NSMCE2: variants seen among roughly 807,000 people sequenced by gnomAD.
The protein encoded by NSMCE2 is NSE2 SUMO ligase component of SMC5/6 complex.
Under a neutral mutation model 23.8 loss-of-function variants are expected in NSMCE2, and 24 were observed. That is an observed-to-expected ratio of 1.01 (90% CI 0.73 to 1.42). NSMCE2 has a LOEUF of 1.42. Ranked by LOEUF, NSMCE2 falls within the 40% of genes most tolerant of loss-of-function variation. The probability of loss-of-function intolerance (pLI) is 0.00; values close to 1 mark genes in which losing one functional copy is unlikely to be tolerated. For missense variants in NSMCE2, 284 were observed against 296.5 expected, an observed-to-expected ratio of 0.96 and a Z score of 0.31; for synonymous variants, 92 against 94.1, an observed-to-expected ratio of 0.98 and a Z score of 0.13.
intron 3 of NSMCE2, among the ~76,000 whole-genome samples, 163 bp from the exon 4 acceptor site, chr8:125,151,008 A>AT (rs946928497): frequency 2.6e-5 from 4 of 151,466 alleles, no homozygotes; most frequent in Middle Eastern, 3.4e-3. Flanking sequence ...GGTTTTTTTT[A>AT]TTTTTTTTAT....
chr8:125,257,789 C>G (rs138545127), intron 5 of NSMCE2, among the ~76,000 whole-genome samples: 2,729 of 152,214 alleles, frequency 0.018, 82 homozygotes, highest in African/African-American at 0.061. Flanking sequence ...CCTCTTCGGC[C>G]TCCCAAAGTC....
At chr8:125,324,558 A>T (rs1829577123) in intron 5 of NSMCE2, among the ~76,000 whole-genome samples, 1 of 136,250 alleles carries the variant, frequency 7.3e-6, no homozygotes, top group African/African-American at 2.8e-5. Context: ...ATGTGATTCC[A>T]TTTTGATAAA....
intron 1 of NSMCE2, among the ~76,000 whole-genome samples, chr8:125,093,194 C>T (rs969811762): frequency 6.6e-6 from 1 of 152,146 alleles, no homozygotes; most frequent in African/African-American, 2.4e-5. Flanking sequence ...GCTGTGTCCT[C>T]ACATGGTGGA....
rs7016773 is a variant in NSMCE2, at chr8:125,335,828, G to A, written c.419-21391G>A. Among the ~76,000 whole-genome samples, 1,316 of 152,310 alleles carry A rather than the reference G, an allele frequency of 8.6e-3. 14 individuals are homozygous for A. Among genetic ancestry groups the A allele is most frequent in the African/African-American group, 0.03 (1,244 of 41,572 alleles). On this transcript the variant is annotated intron_variant, in intron 5 of 7. Coordinates refer to ENST00000287437, the MANE Select transcript of NSMCE2 (RefSeq NM_173685.4). Reference sequence around the variant, plus strand: ...TTAGGGTGTTTAAGAACTAGGCATTGCTCAACCAAAGGGGAAAGTTCAAAG... The same window carrying A: ...TTAGGGTGTTTAAGAACTAGGCATTACTCAACCAAAGGGGAAAGTTCAAAG...
At position 125,283,954 on chromosome 8, in the gene NSMCE2, C is replaced by A. The variant is rs544783571; in HGVS notation, c.419-73265C>A. On this transcript the variant is annotated intron_variant, in intron 5 of 7. Coordinates refer to ENST00000287437, the MANE Select transcript of NSMCE2 (RefSeq NM_173685.4). ...AGATCACAAGGTCAGGAGATGGAGA[C>A]CATCCTGGCTAACATGGTGAAACCC... 2.6e-5 allele frequency among the ~76,000 whole-genome samples: 4 copies of A among 152,188 alleles called. No homozygotes were observed. The East Asian group carries it at 7.7e-4, about 29-fold the overall frequency.
chr8:125,167,990 T>C (rs1821982122), intron 4 of NSMCE2, among the ~76,000 whole-genome samples: 1 of 152,192 alleles, frequency 6.6e-6, no homozygotes, highest in Non-Finnish European at 1.5e-5. Context: ...AGTTTGGTTG[T>C]TCAAAGGTCT....
chr8:125,238,267 A>G lies in NSMCE2; in HGVS notation c.418+56011A>G. The stretch of plus-strand genomic sequence containing the variant: ...CGAGGTTATAGAAACTTTTTATTCC[A>G]TTTCCATCTGTCTCTCTTTCCTCAC... On this transcript the variant is annotated intron_variant, in intron 5 of 7. Coordinates refer to ENST00000287437, the MANE Select transcript of NSMCE2 (RefSeq NM_173685.4). Among the ~76,000 whole-genome samples, 2 of 152,132 alleles carry G rather than the reference A, an allele frequency of 1.3e-5. 1 individual carries two copies. The highest frequency in any genetic ancestry group is 2.9e-5 in the Non-Finnish European group (2 of 68,034).
chr8:125,274,013 T>G (rs1827337146), intron 5 of NSMCE2, among the ~76,000 whole-genome samples: 1 of 152,196 alleles, frequency 6.6e-6, no homozygotes. Context: ...TTAGCACCTC[T>G]TTTTGCAAGG....
chr8:125,159,582 C>T (rs1444456127), intron 4 of NSMCE2, among the ~76,000 whole-genome samples: 1 of 152,130 alleles, frequency 6.6e-6, no homozygotes, highest in Non-Finnish European at 1.5e-5. Context: ...CCTCATTTCT[C>T]AGAAAGTATC....
intron 7 of NSMCE2, among the ~76,000 whole-genome samples, chr8:125,362,120 G>A (rs746935308): frequency 6.6e-6 from 1 of 152,208 alleles, no homozygotes; most frequent in Non-Finnish European, 1.5e-5. Flanking sequence ...AGGCCTGAAG[G>A]GCTGACTCCT....
In NSMCE2 at chr8:125,347,069, T is replaced by C. The variant is rs576984224; in HGVS notation, c.419-10150T>C. 2.6e-5 allele frequency among the ~76,000 whole-genome samples: 4 copies of C among 152,338 alleles called. No homozygotes were observed. In the South Asian group the frequency reaches 8.3e-4, roughly 32 times the overall value. On this transcript the variant is annotated intron_variant, in intron 5 of 7. Transcript: ENST00000287437. ...GATGTTGATAGTGCTGTGTCAGCTA[T>C]CTACAGCTTGCTATTTGCCAGGAAC...
At chr8:125,339,693 A>C (rs1258779026) in intron 5 of NSMCE2, among the ~76,000 whole-genome samples, 1 of 151,170 alleles carries the variant, frequency 6.6e-6, no homozygotes, top group Non-Finnish European at 1.5e-5. Context: ...TGCTCATCCT[A>C]CTCCTTCTCC....
intron 5 of NSMCE2, among the ~76,000 whole-genome samples, chr8:125,267,557 G>A (rs1325357669): frequency 6.6e-6 from 1 of 152,128 alleles, no homozygotes; most frequent in African/African-American, 2.4e-5. Flanking sequence ...AGGCTGAGGC[G>A]GGAGGATCAC....
Position 125,361,799 on chromosome 8 carries a change from G to T in NSMCE2, c.626+3981G>T, listed in dbSNP as rs1250275187. Among the ~76,000 whole-genome samples the T allele has an allele frequency of 2.0e-5, 3 of 152,142 alleles. No individual in the cohort carries two copies. The East Asian group carries it at 5.8e-4, about 29-fold the overall frequency. ...CTTAGTGACACATTATTTGACTCAG[G>T]GGTTGTAAGATAGAATTACTGTCTG... On this transcript the variant is annotated intron_variant, in intron 7 of 7. Coordinates refer to ENST00000287437, the MANE Select transcript of NSMCE2 (RefSeq NM_173685.4).
At chr8:125,275,024 A>ATAT in intron 5 of NSMCE2, among the ~76,000 whole-genome samples, 1 of 149,500 alleles carries the variant, frequency 6.7e-6, no homozygotes, top group South Asian at 2.1e-4. Flanking sequence ...AATAATAATA[A>ATAT]TAATAATAAT....
intron 5 of NSMCE2, among the ~76,000 whole-genome samples, chr8:125,327,152 G>C (rs1407325014): frequency 2.0e-5 from 3 of 149,514 alleles, no homozygotes; most frequent in Non-Finnish European, 4.4e-5. Flanking sequence ...TGTAATCCCA[G>C]CTATCCAGGA....
chr8:125,333,937 G>A (rs939276081), intron 5 of NSMCE2, among the ~76,000 whole-genome samples: 3 of 152,128 alleles, frequency 2.0e-5, no homozygotes, highest in African/African-American at 7.2e-5. Context: ...CTCATGAATG[G>A]CAGAGGCCTG....
intron 1 of NSMCE2, among the ~76,000 whole-genome samples, chr8:125,099,445 TG>T (rs1818081845): frequency 6.6e-6 from 1 of 151,900 alleles, no homozygotes; most frequent in Non-Finnish European, 1.5e-5. Flanking sequence ...GTATTTGATT[TG>T]GGTATAGAAG....
chr8:125,263,157 G>T (rs1296473416), intron 5 of NSMCE2, among the ~76,000 whole-genome samples: 1 of 152,156 alleles, frequency 6.6e-6, no homozygotes, highest in Admixed American at 6.5e-5. Flanking sequence ...CAGATTAAGG[G>T]AGCAGAGAGA....
Sources: allele counts gnomAD v4.1 joint callset (sites outside exome capture counted in the v4.1 genomes callset), GRCh38; gene constraint gnomAD v4.1.1; transcripts MANE v1.5; gene names NCBI Gene and HGNC (gene_info 2026-07-23, HGNC 2026-07-21).